SLIT2: variants seen among roughly 807,000 people sequenced by gnomAD.
SLIT2 encodes the protein slit homolog 2 protein.
A neutral mutation model predicts 185.7 loss-of-function variants in SLIT2; 41 were observed. The observed-to-expected ratio is 0.22, with a 90% CI of 0.17 to 0.29. The LOEUF (loss-of-function observed/expected upper bound fraction) is 0.29, where lower values mean the gene tolerates loss of function less well. Among genes scored for constraint, SLIT2 ranks in the 10% least tolerant of loss-of-function variants. The pLI is 1.00. For synonymous variants in SLIT2, 693 were observed against 680.2 expected (o/e 1.02, Z -0.29); for missense variants, 1,571 against 1,909.0 (o/e 0.82, Z 3.30).
At chr4:20,317,423 C>T (rs763381296) in intron 4 of SLIT2, among the ~76,000 whole-genome samples, 7 of 152,016 alleles carry the variant, frequency 4.6e-5, no homozygotes, top group Non-Finnish European at 8.8e-5. Context: ...ATTCCACAGG[C>T]AGTTTATTGA....
intron 4 of SLIT2, among the ~76,000 whole-genome samples, chr4:20,284,892 G>A (rs1024012167): frequency 6.6e-6 from 1 of 152,234 alleles, no homozygotes; most frequent in Admixed American, 6.5e-5. Context: ...AAATGAGGCA[G>A]ATGGTTTAGT....
At chr4:20,500,096 AT>A (rs1718582966) in intron 9 of SLIT2, among the ~76,000 whole-genome samples, 2 of 152,188 alleles carry the variant, frequency 1.3e-5, no homozygotes, top group Admixed American at 1.3e-4. Context: ...AAATGATACC[AT>A]TTTTTAAATG....
chr4:20,563,184 A>G (rs1283988376), intron 26 of SLIT2, among the ~76,000 whole-genome samples: 2 of 151,766 alleles, frequency 1.3e-5, no homozygotes, highest in Admixed American at 1.3e-4. Flanking sequence ...ACCTCCACCC[A>G]TATAGCTAAT....
chr4:20,453,658 G>T (rs1463547954), intron 4 of SLIT2, among the ~76,000 whole-genome samples: 2 of 152,140 alleles, frequency 1.3e-5, no homozygotes, highest in East Asian at 3.9e-4. Flanking sequence ...ACACAACTGG[G>T]ATGAAATTCT....
intron 5 of SLIT2, among the ~76,000 whole-genome samples, chr4:20,478,684 C>T (rs1280488783): frequency 6.6e-6 from 1 of 152,164 alleles, no homozygotes; most frequent in African/African-American, 2.4e-5. Flanking sequence ...AATTTGATAG[C>T]ATTAAAAGAT....
chr4:20,262,460 T>C (rs1320637813), intron 3 of SLIT2, among the ~76,000 whole-genome samples: 1 of 151,878 alleles, frequency 6.6e-6, no homozygotes, highest in Non-Finnish European at 1.5e-5. Context: ...TAGTCTCTTC[T>C]GACTAATCCG....
At position 20,367,571 on chromosome 4, in the gene SLIT2, A is replaced by G. The variant is rs541532263; in HGVS notation, c.395+98690A>G. Among the ~76,000 whole-genome samples the G allele has an allele frequency of 5.3e-5, 8 of 152,276 alleles. No individual in the cohort carries two copies. In the South Asian group the frequency reaches 1.0e-3, roughly 20 times the overall value. On this transcript the variant is annotated intron_variant, in intron 4 of 36. Coordinates refer to ENST00000504154, the MANE Select transcript of SLIT2 (RefSeq NM_004787.4). ...GCATAAGCAAATAACTTCAAATACA[A>G]TGTTTATATTTGGACATACTAGTTC...
chr4:20,491,003 T>C (rs575865845), intron 8 of SLIT2, among the ~76,000 whole-genome samples: 2 of 152,216 alleles, frequency 1.3e-5, no homozygotes, highest in African/African-American at 2.4e-5. Flanking sequence ...GATGCTTATT[T>C]AATACAACTG....
chr4:20,611,227 A>G (rs189664103), intron 34 of SLIT2, among the ~76,000 whole-genome samples: 2 of 152,334 alleles, frequency 1.3e-5, no homozygotes, highest in Non-Finnish European at 2.9e-5. Flanking sequence ...ATGCTACACC[A>G]TTATCTCAAC....
chr4:20,538,670 T>A (rs1255238974), intron 18 of SLIT2, among the ~76,000 whole-genome samples: 1 of 151,984 alleles, frequency 6.6e-6, no homozygotes, highest in African/African-American at 2.4e-5. Context: ...AGCTTTTTGT[T>A]CAGTTTTTAA....
chr4:20,347,487 A>G (rs1185315068), intron 4 of SLIT2, among the ~76,000 whole-genome samples: 2 of 152,158 alleles, frequency 1.3e-5, no homozygotes, highest in Non-Finnish European at 2.9e-5. Flanking sequence ...TTCCTGTGGC[A>G]TTTTTTAGTA....
rs376845163 is a variant in SLIT2, at chr4:20,443,075, C to T, written c.396-24677C>T. 5.3e-5 allele frequency among the ~76,000 whole-genome samples: 8 copies of T among 152,126 alleles called. No individual in the cohort carries two copies. The East Asian group carries it at 1.3e-3, about 26-fold the overall frequency. On this transcript the variant is annotated intron_variant, in intron 4 of 36. Transcript: ENST00000504154. ...ATAGGTCATATCATGCCTGGGAAAT[C>T]TCCAAGTTCTTTATGGCAATATATC...
chr4:20,319,809 AAC>A (rs201456793), intron 4 of SLIT2, among the ~76,000 whole-genome samples: 34,407 of 136,652 alleles, frequency 0.25, 4,794 homozygotes, highest in East Asian at 0.6. Flanking sequence ...TAAAAAACAA[AAC>A]AAAAAAAAAA....
chr4:20,602,225 AC>A (rs1197834273), intron 33 of SLIT2, among the ~76,000 whole-genome samples: 2 of 152,202 alleles, frequency 1.3e-5, no homozygotes, highest in Non-Finnish European at 2.9e-5. Flanking sequence ...AACATTTTTT[AC>A]AAAAGTTAAT....
intron 4 of SLIT2, among the ~76,000 whole-genome samples, chr4:20,272,038 T>C (rs1713675440): frequency 6.6e-6 from 1 of 152,114 alleles, no homozygotes; most frequent in Non-Finnish European, 1.5e-5. Flanking sequence ...GAGCACTACA[T>C]GTTCAGGTCA....
rs1262774701 is a variant in SLIT2 at position 20,254,617 on chromosome 4, C to T, written c.179+623C>T. 2.0e-5 allele frequency among the ~76,000 whole-genome samples: 3 copies of T among 152,118 alleles called. No homozygotes were observed. The highest frequency in any genetic ancestry group is 7.2e-5 in the African/African-American group (3 of 41,440). ...TCGCGCAGCCCCCCGCCCCCCACTTCTCCGGGGAGGGGAAGACGGCGTCAG... is the reference window on the plus strand; with the variant it reads ...TCGCGCAGCCCCCCGCCCCCCACTTTTCCGGGGAGGGGAAGACGGCGTCAG... On this transcript the variant is annotated intron_variant, in intron 1 of 36. Transcript: ENST00000504154. The surrounding 1 kb of genome is among the most constrained non-coding windows in gnomAD (Gnocchi z 5.1).
chr4:20,257,903 G>A lies in SLIT2; in HGVS notation c.287G>A (p.Arg96Lys), dbSNP rs767788151. The A allele has an allele frequency of 8.3e-6, 13 of 1,574,676 alleles. No homozygotes were observed. The highest frequency in any genetic ancestry group is 2.2e-5 in the South Asian group (2 of 89,402). The stretch of plus-strand genomic sequence containing the variant: ...GAGAATAAGATTAGCACCATTGAAA[G>A]AGGAGCATTCCAGGATCTTAAAGAA... Reference protein sequence around the residue: ...LMENKISTIERGAFQDLKELE... With the variant: ...LMENKISTIEKGAFQDLKELE... The change falls in exon 3 of 37, where the codon AGA (arginine) becomes AAA (lysine). Residue 96 changes from arginine (R) to lysine (K), a missense_variant. This residue lies in a region of SLIT2 where 1,202 missense variants were observed against 1,416.4 expected (regional missense o/e 0.85). Coordinates refer to ENST00000504154, the MANE Select transcript of SLIT2 (RefSeq NM_004787.4).
rs555804484 is a variant in SLIT2 at position 20,349,226 on chromosome 4, A to G, written c.395+80345A>G. Among the ~76,000 whole-genome samples the G allele has an allele frequency of 5.9e-5, 9 of 152,354 alleles. No individual in the cohort carries two copies. In the South Asian group the frequency reaches 1.9e-3, roughly 32 times the overall value. On this transcript the variant is annotated intron_variant, in intron 4 of 36. Transcript: ENST00000504154. ...CTGAGAGTTGATTTATTCGGCAGTTAGTTCCAAATGATGTAAGATTTACGT... is the reference window on the plus strand; with the variant it reads ...CTGAGAGTTGATTTATTCGGCAGTTGGTTCCAAATGATGTAAGATTTACGT...
chr4:20,474,840 T>A (rs545192854), intron 5 of SLIT2, among the ~76,000 whole-genome samples: 1 of 152,110 alleles, frequency 6.6e-6, no homozygotes, highest in South Asian at 2.1e-4. Context: ...GGTTTAAAAG[T>A]ATTCAGTTTA....
Sources: gnomAD v4.1 joint callset for allele counts (sites outside exome capture counted in the v4.1 genomes callset) on GRCh38, gnomAD v4.1.1 for gene constraint, gnomAD v4.1.1 regional missense constraint, Gnocchi (gnomAD v3.1) non-coding constraint, MANE v1.5 for transcripts, NCBI Gene and HGNC (gene_info 2026-07-23, HGNC 2026-07-21) for gene names.